The following SNRNP27 variants were observed in gnomAD, a reference collection of about 807,000 sequenced individuals.
SNRNP27 encodes the protein U4/U6.U5 small nuclear ribonucleoprotein 27 kDa protein.
SNRNP27 carries 22 observed loss-of-function variants against 25.1 expected under a neutral mutation model. The observed-to-expected ratio is 0.88, with a 90% CI of 0.63 to 1.25. SNRNP27 has a LOEUF of 1.25. Among genes scored for constraint, SNRNP27 ranks in the 50% most tolerant of loss-of-function variants. SNRNP27 has a pLI of 0.00. For missense variants in SNRNP27, 150 were observed against 202.3 expected, an observed-to-expected ratio of 0.74 and a Z score of 1.57; for synonymous variants, 66 against 64.9, an observed-to-expected ratio of 1.02 and a Z score of -0.08.
intron 4 of SNRNP27, chr2:69,897,672 G>C: frequency 1.9e-6 from 1 of 528,186 alleles, no homozygotes; most frequent in Non-Finnish European, 3.4e-6. Context: ...TAAAGGACAA[G>C]TAGAAGTGAT....
intron 1 of SNRNP27, 141 bp from the exon 2 acceptor site, chr2:69,894,953 C>A: frequency 8.4e-7 from 1 of 1,192,262 alleles, no homozygotes; most frequent in Non-Finnish European, 1.2e-6. Flanking sequence ...GCTGGGATTA[C>A]AGGCGTGAGC....
chr2:69,899,787 T>C (rs1291509052), intron 4 of SNRNP27, among the ~76,000 whole-genome samples: 3 of 152,076 alleles, frequency 2.0e-5, no homozygotes. Context: ...TGGAGTACAG[T>C]GGTATGATCA....
At chr2:69,902,190 C>CTCCT (rs1676710023) in intron 4 of SNRNP27, among the ~76,000 whole-genome samples, 1 of 38,544 alleles carries the variant, frequency 2.6e-5, no homozygotes, top group Non-Finnish European at 4.4e-5. Context: ...TTGGACTCTC[C>CTCCT]TCCTTCCTCC....
At chr2:69,904,212 T>G in intron 5 of SNRNP27, 42 bp from the exon 6 acceptor site, 1 of 1,426,508 alleles carries the variant, frequency 7.0e-7, no homozygotes, top group Non-Finnish European at 9.6e-7. Flanking sequence ...AAGAGGAGTA[T>G]AGGATTAAAA....
chr2:69,901,003 A>G (rs1341434913), intron 4 of SNRNP27, among the ~76,000 whole-genome samples: 2 of 152,034 alleles, frequency 1.3e-5, no homozygotes, highest in Admixed American at 6.6e-5. Context: ...ATGAAACCCC[A>G]TGTCTACTAA....
At chr2:69,903,355 TC>T in intron 5 of SNRNP27, 110 bp downstream of exon 5, 1 of 807,556 alleles carries the variant, frequency 1.2e-6, no homozygotes, top group Admixed American at 2.0e-5. Flanking sequence ...TCCATACTGT[TC>T]CTTGTTTGAA....
At position 69,905,217 on chromosome 2, in the gene SNRNP27, A is replaced by G. The variant is rs138728342; in HGVS notation, c.*909A>G. 19 of 152,280 alleles carry G rather than the reference A, an allele frequency of 1.2e-4. No homozygotes were observed. Among genetic ancestry groups the G allele is most frequent in the Admixed American group, 7.9e-4 (12 of 15,286 alleles). 9.4% of individuals were successfully genotyped at this position (152,280 alleles called of 1,614,324 possible). A position where few individuals can be genotyped will look rare whatever the true frequency, so the allele number is the denominator to read the frequency against. On this transcript the variant is annotated 3_prime_UTR_variant, in exon 6 of 6. Transcript: ENST00000244227. Reference sequence around the variant, plus strand: ...CATTATAATTAAAACTGTGACTACTATCTGTCTCCATTACATACATATTTT... The same window carrying G: ...CATTATAATTAAAACTGTGACTACTGTCTGTCTCCATTACATACATATTTT...
At chr2:69,903,694 A>G (rs1676748227) in intron 5 of SNRNP27, among the ~76,000 whole-genome samples, 1 of 152,234 alleles carries the variant, frequency 6.6e-6, no homozygotes, top group African/African-American at 2.4e-5. Context: ...AATGAATGAA[A>G]AAGTCAAGAT....
chr2:69,904,703 C>G lies in SNRNP27; in HGVS notation c.*395C>G, dbSNP rs1676764419. 1 of 254,130 alleles carries G rather than the reference C, an allele frequency of 3.9e-6. No individual in the cohort carries two copies. The highest frequency in any genetic ancestry group is 7.4e-6 in the Non-Finnish European group (1 of 135,766). The allele number at this position is 254,130 out of a possible 1,614,324, so 15.7% of individuals were successfully genotyped here. On this transcript the variant is annotated 3_prime_UTR_variant, in exon 6 of 6. Coordinates refer to ENST00000244227, the MANE Select transcript of SNRNP27 (RefSeq NM_006857.3). ...ATAAATATTTTTATTACTAAAGAAT[C>G]TCCCCAGACATTTTCTTTTTTTTTT... is the stretch of plus-strand genomic sequence containing the variant.
chr2:69,896,493 A>T lies in SNRNP27; in HGVS notation c.213A>T (p.Arg71Ser), dbSNP rs374825779. ...SPSPSRLKER[R>S]DEEKKETKET... ...CCCCTTCTCGACTGAAAGAAAGAAG[A>T]GATGAGGAAAAGAAAGAAACAAAAG... The change falls in exon 3 of 6, where the codon AGA (arginine) becomes AGT (serine). Residue 71 changes from arginine to serine, a missense_variant. By Grantham distance (110) the Arg-to-Ser change is moderately radical (BLOSUM62 -1). Around this residue, in one of 2 missense-constraint regions of SNRNP27, gnomAD observed 142 missense variants for 168.6 expected, o/e 0.84. Coordinates refer to ENST00000244227, the MANE Select transcript of SNRNP27 (RefSeq NM_006857.3). The T allele has an allele frequency of 1.9e-6, 3 of 1,610,342 alleles. No homozygotes were observed. Among genetic ancestry groups the T allele is most frequent in the Non-Finnish European group, 2.5e-6 (3 of 1,177,758 alleles).
chr2:69,897,097 C>T (rs1033664582), intron 3 of SNRNP27, among the ~76,000 whole-genome samples: 10 of 151,942 alleles, frequency 6.6e-5, no homozygotes, highest in Non-Finnish European at 2.9e-5. Flanking sequence ...TATATAGTGT[C>T]ATGCCTGATA....
chr2:69,900,766 G>A (rs758388039), intron 4 of SNRNP27, among the ~76,000 whole-genome samples: 4 of 152,210 alleles, frequency 2.6e-5, no homozygotes, highest in Admixed American at 2.0e-4. Flanking sequence ...GGAGTGCAGT[G>A]ACCTAGGATG....
At chr2:69,901,326 G>A (rs1455227218) in intron 4 of SNRNP27, among the ~76,000 whole-genome samples, 1 of 152,200 alleles carries the variant, frequency 6.6e-6, no homozygotes, top group East Asian at 1.9e-4. Context: ...GTTCAAGTTG[G>A]AGGCAGGGAA....
At chr2:69,899,502 T>C (rs1306924290) in intron 4 of SNRNP27, among the ~76,000 whole-genome samples, 1 of 152,188 alleles carries the variant, frequency 6.6e-6, no homozygotes, top group Admixed American at 6.5e-5. Flanking sequence ...CAATCTCGGC[T>C]CACTGCTACC....
intron 4 of SNRNP27, 126 bp downstream of exon 4, chr2:69,897,582 TGA>T: frequency 1.3e-6 from 1 of 749,114 alleles, no homozygotes; most frequent in Non-Finnish European, 2.2e-6. Flanking sequence ...TGAAGGGCTT[TGA>T]GAATACAAAG....
chr2:69,902,828 G>A (rs1676729524), intron 4 of SNRNP27, among the ~76,000 whole-genome samples: 2 of 150,910 alleles, frequency 1.3e-5, no homozygotes, highest in African/African-American at 2.4e-5. Flanking sequence ...CGCTGCTGCC[G>A]CTGCCGCTTC....
chr2:69,895,279 C>A, intron 2 of SNRNP27, 65 bp downstream of exon 2: 1 of 1,575,964 alleles, frequency 6.3e-7, no homozygotes, highest in Non-Finnish European at 8.6e-7. Context: ...GGTCGCAGCT[C>A]TTAACTTTGT....
chr2:69,902,349 T>C (rs1296076370), intron 4 of SNRNP27, among the ~76,000 whole-genome samples: 1 of 151,872 alleles, frequency 6.6e-6, no homozygotes, highest in Non-Finnish European at 1.5e-5. Context: ...CTGCTGCTGC[T>C]CTTGCTGCTG....
In SNRNP27 at chr2:69,904,253, G is replaced by A; in HGVS notation, c.414-1G>A. On this transcript the variant is annotated splice_acceptor_variant, in intron 5 of 5. Transcript: ENST00000244227. LOFTEE classifies it high-confidence loss of function. ...CAATGAATTTTCTCTTCTCATCATA[G>A]GCAGTACATGAATCGAAAAGGTGGA... is the stretch of plus-strand genomic sequence containing the variant. 6.3e-7 allele frequency: 1 copy of A among 1,595,934 alleles called. No individual in the cohort carries two copies. The highest frequency in any genetic ancestry group is 8.5e-7 in the Non-Finnish European group (1 of 1,172,256).
Sources: allele counts gnomAD v4.1 joint callset (sites outside exome capture counted in the v4.1 genomes callset), GRCh38; gene constraint gnomAD v4.1.1; regional missense constraint gnomAD v4.1.1; transcripts MANE v1.5; gene names NCBI Gene and HGNC (gene_info 2026-07-23, HGNC 2026-07-21).